The following ROBO2 variants were observed in gnomAD, a reference collection of about 807,000 sequenced individuals.
The protein encoded by ROBO2 is roundabout homolog 2.
In ROBO2, 53 loss-of-function variants were observed where a neutral mutation model predicts 160.8. The ratio of observed to expected loss-of-function variants is 0.33; its 90% CI spans 0.26 to 0.41. The LOEUF is 0.41. Ranked by LOEUF, ROBO2 falls within the 10% of genes least tolerant of loss-of-function variation. The pLI, the probability that ROBO2 is intolerant of heterozygous loss-of-function variation, is 1.00. For missense variants in ROBO2, 1,577 were observed against 1,722.4 expected (o/e 0.92, Z 1.49); for synonymous variants, 664 against 611.7 (o/e 1.09, Z -1.26).
intron 2 of ROBO2, among the ~76,000 whole-genome samples, chr3:76,035,154 A>G (rs949472650): frequency 1.4e-5 from 2 of 146,878 alleles, no homozygotes; most frequent in Non-Finnish European, 3.0e-5. Context: ...TTACTTACCT[A>G]TCTTTTTCTA....
intron 2 of ROBO2, among the ~76,000 whole-genome samples, chr3:76,227,623 TA>T (rs1338675492): frequency 3.3e-5 from 5 of 152,268 alleles, no homozygotes; most frequent in African/African-American, 1.2e-4. Flanking sequence ...ACTGTGAAAA[TA>T]AGCTTAGTAT....
intron 2 of ROBO2, among the ~76,000 whole-genome samples, chr3:76,818,333 T>C (rs556547391): frequency 7.2e-5 from 11 of 152,194 alleles, no homozygotes; most frequent in Non-Finnish European, 1.6e-4. Context: ...CACTTTTTGA[T>C]GGGATTGTTT....
chr3:76,272,926 ATTT>A (rs1559706397), intron 2 of ROBO2, among the ~76,000 whole-genome samples: 30 of 25,838 alleles, frequency 1.2e-3, no homozygotes, highest in African/African-American at 2.0e-3. Context: ...AAATATATAT[ATTT>A]ATATATAAAT....
chr3:77,168,212 C>G (rs940741092), intron 2 of ROBO2, among the ~76,000 whole-genome samples: 5 of 152,206 alleles, frequency 3.3e-5, no homozygotes, highest in African/African-American at 1.2e-4. Flanking sequence ...ATACCTCCAG[C>G]CCCTAAATAC....
chr3:76,775,310 A>T (rs1208489363), intron 2 of ROBO2, among the ~76,000 whole-genome samples: 1 of 150,710 alleles, frequency 6.6e-6, no homozygotes, highest in Non-Finnish European at 1.5e-5. Flanking sequence ...AAGAAATATT[A>T]TTGATTTCAA....
intron 5 of ROBO2, among the ~76,000 whole-genome samples, chr3:77,505,960 C>T (rs1337290652): frequency 6.6e-6 from 1 of 152,110 alleles, no homozygotes; most frequent in Non-Finnish European, 1.5e-5. Flanking sequence ...TTAGTGGCTA[C>T]ACAATATTTT....
intron 2 of ROBO2, among the ~76,000 whole-genome samples, chr3:76,048,348 T>A (rs114869177): frequency 2.9e-3 from 444 of 152,264 alleles, no homozygotes; most frequent in African/African-American, 0.01. Context: ...AAACTTATAT[T>A]TGTGCAACTT....
At chr3:76,066,446 C>A (rs1047113289) in intron 2 of ROBO2, among the ~76,000 whole-genome samples, 9 of 151,476 alleles carry the variant, frequency 5.9e-5, no homozygotes, top group African/African-American at 1.9e-4. Flanking sequence ...ATTATGAAAC[C>A]AAATATTTTT....
intron 22 of ROBO2, chr3:77,618,130 T>C (rs1018896279): frequency 9.6e-6 from 3 of 312,024 alleles, no homozygotes; most frequent in Admixed American, 4.9e-5. Context: ...TAGCTTATCA[T>C]TGAACTCACA....
intron 8 of ROBO2, among the ~76,000 whole-genome samples, chr3:77,551,313 G>T (rs1381682075): frequency 6.6e-6 from 1 of 151,886 alleles, no homozygotes; most frequent in African/African-American, 2.4e-5. Flanking sequence ...GACATGATTG[G>T]CTCTACTAGA....
Position 76,133,625 on chromosome 3 carries a change from C to T in ROBO2, c.109+196023C>T, listed in dbSNP as rs534734728. 5.3e-5 allele frequency among the ~76,000 whole-genome samples: 8 copies of T among 152,128 alleles called. No individual in the cohort carries two copies. The East Asian group carries it at 1.4e-3, about 26-fold the overall frequency. ...AGCCTTCAGTGTGTGGCCGAAGACC[C>T]GACAGCCTCTGGCAAATCACTGGTG... On this transcript the variant is annotated intron_variant, in intron 2 of 26. Coordinates refer to the ROBO2 transcript ENST00000487694.
intron 2 of ROBO2, among the ~76,000 whole-genome samples, chr3:77,426,022 A>T (rs1227204906): frequency 6.6e-6 from 1 of 152,124 alleles, no homozygotes; most frequent in Admixed American, 6.5e-5. Context: ...CAAGGAGTGC[A>T]TGACCCAGTT....
chr3:76,389,609 T>TA (rs539837167), intron 2 of ROBO2, among the ~76,000 whole-genome samples: 47 of 152,052 alleles, frequency 3.1e-4, no homozygotes, highest in Middle Eastern at 3.4e-3. Flanking sequence ...GTGTTACTGA[T>TA]AAAAAAAAGT....
chr3:77,139,419 T>TC (rs2076531567), intron 2 of ROBO2, among the ~76,000 whole-genome samples: 1 of 152,174 alleles, frequency 6.6e-6, no homozygotes, highest in Non-Finnish European at 1.5e-5. Flanking sequence ...TTGGAGCAGT[T>TC]CATCTAACCA....
chr3:77,151,675 C>A (rs1177858486), intron 2 of ROBO2, among the ~76,000 whole-genome samples: 1 of 152,226 alleles, frequency 6.6e-6, no homozygotes, highest in East Asian at 1.9e-4. Flanking sequence ...TTACCAAGTG[C>A]CCAACACATT....
At chr3:77,223,981 A>G (rs1483226196) in intron 2 of ROBO2, among the ~76,000 whole-genome samples, 1 of 152,054 alleles carries the variant, frequency 6.6e-6, no homozygotes, top group Non-Finnish European at 1.5e-5. Flanking sequence ...AAGGGAGACA[A>G]ATGGATACTT....
intron 2 of ROBO2, among the ~76,000 whole-genome samples, chr3:76,976,494 C>T (rs1196591094): frequency 6.6e-6 from 1 of 152,134 alleles, no homozygotes; most frequent in Non-Finnish European, 1.5e-5. Flanking sequence ...CTTTAGGTTG[C>T]ATTTTTAGTA....
At chr3:76,814,593 G>GT (rs67452718) in intron 2 of ROBO2, among the ~76,000 whole-genome samples, 39,769 of 151,350 alleles carry the variant, frequency 0.26, 5,559 homozygotes, top group East Asian at 0.45. Context: ...AAAAGGATCG[G>GT]TTTTTTTTGT....
At chr3:77,178,665 G>A (rs921088480) in intron 2 of ROBO2, among the ~76,000 whole-genome samples, 1 of 152,054 alleles carries the variant, frequency 6.6e-6, no homozygotes, top group African/African-American at 2.4e-5. Flanking sequence ...CCCCCACAGT[G>A]TGTATATAAT....
Sources: gnomAD v4.1 joint callset for allele counts (sites outside exome capture counted in the v4.1 genomes callset) on GRCh38, gnomAD v4.1.1 for gene constraint, MANE v1.5 for transcripts, NCBI Gene and HGNC (gene_info 2026-07-23, HGNC 2026-07-21) for gene names.